The following PRKCZ variants were observed in gnomAD, a reference collection of about 807,000 sequenced individuals.
PRKCZ encodes the protein protein kinase C zeta.
PRKCZ carries 33 observed loss-of-function variants against 79.5 expected under a neutral mutation model. That is an observed-to-expected ratio of 0.41 (90% CI 0.31 to 0.55). The LOEUF (loss-of-function observed/expected upper bound fraction) is 0.55. PRKCZ is among the 20% of genes least tolerant of loss of function. PRKCZ has a pLI of 0.19. For missense variants in PRKCZ, 578 were observed against 813.5 expected (o/e 0.71, Z 3.52); for synonymous variants, 342 against 320.9 (o/e 1.07, Z -0.70).
intron 15 of PRKCZ, among the ~76,000 whole-genome samples, 173 bp downstream of exon 15, chr1:2,175,006 C>G (rs1685160890): frequency 6.6e-6 from 1 of 152,152 alleles, no homozygotes; most frequent in African/African-American, 2.4e-5. Context: ...TCCGTTTTTA[C>G]TCACACCTAA....
In PRKCZ at chr1:2,148,880, A is replaced by C; in HGVS notation, c.643A>C (p.Ile215Leu). 1 of 1,613,792 alleles carries C rather than the reference A, an allele frequency of 6.2e-7. No homozygotes were observed. The highest frequency in any genetic ancestry group is 8.5e-7 in the Non-Finnish European group (1 of 1,179,894). ...CCTCCCTCTCTCACCAGTTGCTTACATTTCCTCATCCCGGAAGCATGACAG... is the reference window on the plus strand; with the variant it reads ...CCTCCCTCTCTCACCAGTTGCTTACCTTTCCTCATCCCGGAAGCATGACAG... ...PSEETDGIAY[I>L]SSSRKHDSIK... The change falls in exon 8 of 18, where the codon ATT becomes CTT. Residue 215 changes from isoleucine (I) to leucine (L), a missense_variant. Physicochemically the swap from Ile to Leu is conservative, Grantham distance 5. Coordinates refer to ENST00000378567, the MANE Select transcript of PRKCZ (RefSeq NM_002744.6).
At position 2,185,125 on chromosome 1, in the gene PRKCZ, T is replaced by C; in HGVS notation, c.*116T>C. 1 of 1,023,536 alleles carries C rather than the reference T, an allele frequency of 9.8e-7. No individual in the cohort carries two copies. The highest frequency in any genetic ancestry group is 2.0e-5 in the Admixed American group (1 of 48,830). The allele number at this position is 1,023,536 out of a possible 1,614,324, so 63.4% of individuals were successfully genotyped here. On this transcript the variant is annotated 3_prime_UTR_variant, in exon 18 of 18. Coordinates refer to ENST00000378567, the MANE Select transcript of PRKCZ (RefSeq NM_002744.6). ...CCGAGGGCGGCCAGGGACAGACGCT[T>C]GCGCCGAGACCGCAGAGGGAAGCGT... is the stretch of plus-strand genomic sequence containing the variant.
intron 4 of PRKCZ, among the ~76,000 whole-genome samples, chr1:2,131,744 C>T (rs975523406): frequency 1.6e-4 from 24 of 152,290 alleles, no homozygotes; most frequent in African/African-American, 2.9e-4. Context: ...GTTACTGCTG[C>T]GGCCTGAAAT....
At chr1:2,123,576 T>C (rs1430478307) in intron 4 of PRKCZ, among the ~76,000 whole-genome samples, 1 of 74,310 alleles carries the variant, frequency 1.3e-5, no homozygotes, top group Non-Finnish European at 2.6e-5. Context: ...GTCACGGTGG[T>C]AGTTAGGGTC....
chr1:2,106,490 GTGT>G (rs1668470777), intron 4 of PRKCZ, among the ~76,000 whole-genome samples: 1 of 109,478 alleles, frequency 9.1e-6, no homozygotes, highest in African/African-American at 3.7e-5. Flanking sequence ...ACCTCCACAC[GTGT>G]CACCAGGCCA....
chr1:2,072,715 T>C (rs1389490140), intron 4 of PRKCZ, among the ~76,000 whole-genome samples: 1 of 152,182 alleles, frequency 6.6e-6, no homozygotes, highest in Non-Finnish European at 1.5e-5. Context: ...TAGGAATCGG[T>C]TGGCCTCTCG....
chr1:2,134,400 A>T (rs749473808), intron 4 of PRKCZ, among the ~76,000 whole-genome samples: 19 of 152,214 alleles, frequency 1.2e-4, no homozygotes, highest in Non-Finnish European at 2.5e-4. Context: ...GAATTTTATA[A>T]AAGCACAAAG....
intron 16 of PRKCZ, chr1:2,181,885 C>G (rs1686681383): frequency 4.4e-6 from 2 of 456,494 alleles, no homozygotes; most frequent in South Asian, 3.1e-5. Flanking sequence ...CATCTTGTGT[C>G]CCCACAATCC....
At chr1:2,150,110 C>T (rs7542500) in intron 8 of PRKCZ, among the ~76,000 whole-genome samples, 6,213 of 137,130 alleles carry the variant, frequency 0.045, 427 homozygotes, top group African/African-American at 0.16. Context: ...TGTAGTGAGT[C>T]GAGATCGTGC....
chr1:2,060,457 GGGGCT>G (rs1425142491), intron 4 of PRKCZ, among the ~76,000 whole-genome samples: 3 of 110,146 alleles, frequency 2.7e-5, no homozygotes, highest in African/African-American at 8.4e-5. Context: ...AGTGAGAAGT[GGGGCT>G]GAATAGAGGT....
At chr1:2,161,815 C>T (rs1682374445) in intron 10 of PRKCZ, among the ~76,000 whole-genome samples, 1 of 152,020 alleles carries the variant, frequency 6.6e-6, no homozygotes, top group Admixed American at 6.6e-5. Context: ...CCAGGATGAG[C>T]AGGGATAGGG....
At position 2,109,818 on chromosome 1, in the gene PRKCZ, C is replaced by T. The variant is rs551632258; in HGVS notation, c.335-25444C>T. Among the ~76,000 whole-genome samples the T allele has an allele frequency of 1.1e-3, 171 of 152,250 alleles. 1 individual carries two copies. The highest frequency in any genetic ancestry group is 3.7e-3 in the African/African-American group (153 of 41,548). On this transcript the variant is annotated intron_variant, in intron 4 of 17. Coordinates refer to ENST00000378567, the MANE Select transcript of PRKCZ (RefSeq NM_002744.6). ...CCACGTCGCTCAGATTTTGTGGTGT[C>T]GGTGGTGGGAGCCGCCGGGGAAAGC... is the stretch of plus-strand genomic sequence containing the variant.
chr1:2,100,695 G>A (rs924321308), intron 4 of PRKCZ, among the ~76,000 whole-genome samples: 1 of 152,188 alleles, frequency 6.6e-6, no homozygotes, highest in Non-Finnish European at 1.5e-5. Flanking sequence ...GAACAGCAGT[G>A]GTCACACCAG....
chr1:2,184,008 C>T (rs1055390842), intron 16 of PRKCZ: 2 of 153,178 alleles, frequency 1.3e-5, no homozygotes, highest in African/African-American at 2.4e-5. Flanking sequence ...TGTTGTGGCA[C>T]CTGTGCCAGG....
chr1:2,089,983 C>T (rs892367792), intron 4 of PRKCZ, among the ~76,000 whole-genome samples: 4 of 152,174 alleles, frequency 2.6e-5, no homozygotes, highest in East Asian at 1.9e-4. Context: ...TCCCGGAGGC[C>T]GTGAGGAGCC....
chr1:2,174,610 A>C lies in PRKCZ; in HGVS notation c.1406-144A>C. 1.3e-6 allele frequency: 1 copy of C among 742,758 alleles called. No individual in the cohort carries two copies. The highest frequency in any genetic ancestry group is 2.2e-6 in the Non-Finnish European group (1 of 445,632). 46.0% of individuals were successfully genotyped at this position (742,758 alleles called of 1,614,324 possible). On this transcript the variant is annotated intron_variant, in intron 14 of 17. Coordinates refer to ENST00000378567, the MANE Select transcript of PRKCZ (RefSeq NM_002744.6). This position sits in a 1 kb window ranked among gnomAD's most constrained non-coding sequence, Gnocchi z 6.2. The stretch of plus-strand genomic sequence containing the variant: ...AGGACCCGGCGGGACTCCGGGTTAT[A>C]GATATTGCTGGGCTGTAGGAAGGGA...
chr1:2,169,792 G>T, intron 11 of PRKCZ, among the ~76,000 whole-genome samples, 188 bp downstream of exon 11: 1 of 139,536 alleles, frequency 7.2e-6, no homozygotes, highest in African/African-American at 2.6e-5. Context: ...GGGGTATGAC[G>T]GGGGCGGGGG....
At chr1:2,115,332 C>G (rs1670543879) in intron 4 of PRKCZ, among the ~76,000 whole-genome samples, 1 of 152,260 alleles carries the variant, frequency 6.6e-6, no homozygotes, top group Admixed American at 6.5e-5. Flanking sequence ...CATCCGAGCG[C>G]CTTCTGTTGC....
chr1:2,170,540 C>T (rs1684228406), intron 11 of PRKCZ, among the ~76,000 whole-genome samples: 2 of 152,172 alleles, frequency 1.3e-5, no homozygotes, highest in Admixed American at 6.5e-5. Context: ...AATTCAGTGG[C>T]GTTGAATGCA....
Sources: gnomAD v4.1 joint callset for allele counts (sites outside exome capture counted in the v4.1 genomes callset) on GRCh38, gnomAD v4.1.1 for gene constraint, Gnocchi (gnomAD v3.1) non-coding constraint, MANE v1.5 for transcripts, NCBI Gene and HGNC (gene_info 2026-07-23, HGNC 2026-07-21) for gene names.